The following WDR41 variants were observed in gnomAD, a reference collection of about 807,000 sequenced individuals.
WDR41 encodes WD repeat domain 41.
Under a neutral mutation model 69.3 loss-of-function variants are expected in WDR41, and 63 were observed. That is an observed-to-expected ratio of 0.91 (90% CI 0.74 to 1.12). The LOEUF (loss-of-function observed/expected upper bound fraction) is 1.12. WDR41 is among the 50% of genes most tolerant of loss of function. The pLI is 0.00. For missense variants in WDR41, 543 were observed against 534.5 expected (o/e 1.02, Z -0.16); for synonymous variants, 185 against 192.1 (o/e 0.96, Z 0.31).
At chr5:77,486,244 C>CA (rs1801517891) in intron 2 of WDR41, among the ~76,000 whole-genome samples, 1 of 152,158 alleles carries the variant, frequency 6.6e-6, no homozygotes, top group South Asian at 2.1e-4. Context: ...GAAAGTTCTA[C>CA]AGGTCAGCAA....
chr5:77,463,734 C>G (rs888428100), intron 3 of WDR41, among the ~76,000 whole-genome samples: 1 of 152,210 alleles, frequency 6.6e-6, no homozygotes, highest in African/African-American at 2.4e-5. Context: ...ACACCAACAT[C>G]TATTCCTACC....
chr5:77,461,977 A>C (rs531759052), intron 4 of WDR41, among the ~76,000 whole-genome samples: 2 of 152,236 alleles, frequency 1.3e-5, no homozygotes, highest in Admixed American at 6.5e-5. Flanking sequence ...TGTTTACAGA[A>C]AACATTTTAT....
chr5:77,471,284 G>A (rs954291475), intron 2 of WDR41, among the ~76,000 whole-genome samples: 2 of 152,180 alleles, frequency 1.3e-5, no homozygotes, highest in Non-Finnish European at 2.9e-5. Flanking sequence ...GCAGTGTGTA[G>A]AGGGAAATTT....
intron 1 of WDR41, among the ~76,000 whole-genome samples, chr5:77,608,836 C>T (rs908885049): frequency 6.6e-5 from 10 of 152,258 alleles, no homozygotes; most frequent in Non-Finnish European, 1.0e-4. Context: ...GTGCGCAAGC[C>T]GAAGCAGGGC....
chr5:77,506,837 T>C (rs979285005), intron 1 of WDR41, among the ~76,000 whole-genome samples: 2 of 148,020 alleles, frequency 1.4e-5, no homozygotes, highest in Non-Finnish European at 3.0e-5. Context: ...AACTGAACAA[T>C]GAGAACACTT....
intron 1 of WDR41, among the ~76,000 whole-genome samples, chr5:77,516,733 T>C (rs919395131): frequency 3.9e-5 from 6 of 152,134 alleles, no homozygotes; most frequent in Non-Finnish European, 5.9e-5. Flanking sequence ...TAAGAATGTT[T>C]TCCAGCTGGG....
intron 8 of WDR41, among the ~76,000 whole-genome samples, chr5:77,448,810 G>T (rs1289346197): frequency 1.3e-5 from 2 of 152,092 alleles, no homozygotes; most frequent in Non-Finnish European, 2.9e-5. Context: ...AGAGGTTGCA[G>T]TGAGTCGAGA....
chr5:77,572,241 C>T (rs1439047188), intron 1 of WDR41, among the ~76,000 whole-genome samples: 3 of 152,186 alleles, frequency 2.0e-5, no homozygotes, highest in African/African-American at 7.2e-5. Flanking sequence ...TCATGTCATT[C>T]TACCCACTTC....
rs1393138455 is a variant in WDR41 at position 77,613,731 on chromosome 5, A to C, written c.42+6748T>G. ...AGGCATTACCATTCAGGACATAGGC[A>C]TGGGCAAGGACTTCATGTCCAAAAC... On this transcript the variant is annotated intron_variant, in intron 1 of 5. Coordinates refer to the WDR41 transcript ENST00000509971. 7.2e-5 allele frequency among the ~76,000 whole-genome samples: 11 copies of C among 152,370 alleles called. No individual in the cohort carries two copies. The South Asian group carries it at 1.7e-3, about 23-fold the overall frequency.
chr5:77,601,067 C>T (rs1367477846), intron 1 of WDR41, among the ~76,000 whole-genome samples: 1 of 151,572 alleles, frequency 6.6e-6, no homozygotes, highest in East Asian at 1.9e-4. Context: ...CACTAGAGTT[C>T]TGGAAGTTCA....
chr5:77,583,207 A>G, intron 1 of WDR41: 1 of 751,836 alleles, frequency 1.3e-6, no homozygotes, highest in East Asian at 2.7e-5. Context: ...AAAAGTGCAG[A>G]GGTTGAATTA....
chr5:77,601,535 G>C, intron 1 of WDR41, among the ~76,000 whole-genome samples: 1 of 152,184 alleles, frequency 6.6e-6, no homozygotes, highest in East Asian at 1.9e-4. Flanking sequence ...GGAGGTTAGA[G>C]AGTGAGAAAA....
chr5:77,451,793 G>T (rs1799637812), intron 6 of WDR41: 1 of 155,288 alleles, frequency 6.4e-6, no homozygotes, highest in Non-Finnish European at 1.4e-5. Context: ...ACAGTCAGCA[G>T]CTAAGAAAGC....
intron 10 of WDR41, 92 bp from the exon 11 acceptor site, chr5:77,437,516 C>T: frequency 2.7e-6 from 3 of 1,103,922 alleles, no homozygotes; most frequent in African/African-American, 1.5e-5. Flanking sequence ...GAGCCCTCAA[C>T]TGCTTTTATT....
intron 1 of WDR41, among the ~76,000 whole-genome samples, chr5:77,510,145 T>C (rs1318915560): frequency 1.3e-5 from 2 of 152,182 alleles, no homozygotes; most frequent in Admixed American, 1.3e-4. Flanking sequence ...GACTTACTGT[T>C]CCACATGGCT....
chr5:77,563,450 C>A lies in WDR41; in HGVS notation c.42+57029G>T, dbSNP rs181835799. 3.6e-3 allele frequency among the ~76,000 whole-genome samples: 548 copies of A among 152,296 alleles called. 2 individuals carry two copies. Among genetic ancestry groups the A allele is most frequent in the African/African-American group, 0.012 (511 of 41,552 alleles). ...AATATAGAACAACCTTAGTGTGCCT[C>A]ATCTAACCACAGTGTAAGTCACAGG... On this transcript the variant is annotated intron_variant, in intron 1 of 5. Transcript: ENST00000509971.
chr5:77,537,227 C>T (rs967988603), intron 1 of WDR41, among the ~76,000 whole-genome samples: 9 of 152,098 alleles, frequency 5.9e-5, no homozygotes, highest in South Asian at 2.1e-4. Context: ...CCATTGCGTT[C>T]GGAAAATGTG....
chr5:77,456,876 T>C (rs1208208991), intron 5 of WDR41, among the ~76,000 whole-genome samples: 1 of 151,954 alleles, frequency 6.6e-6, no homozygotes, highest in Admixed American at 6.6e-5. Context: ...TAATTCTTCT[T>C]TCTTTTTTTT....
intron 1 of WDR41, chr5:77,545,826 G>A: frequency 2.1e-6 from 2 of 951,376 alleles, no homozygotes; most frequent in African/African-American, 1.7e-5. Context: ...GGTGGCCACT[G>A]CCATCCGTGG....
Sources: gnomAD v4.1 joint callset for allele counts (sites outside exome capture counted in the v4.1 genomes callset) on GRCh38, gnomAD v4.1.1 for gene constraint, MANE v1.5 for transcripts, NCBI Gene and HGNC (gene_info 2026-07-23, HGNC 2026-07-21) for gene names.